CYRIA: variants seen among roughly 807,000 people sequenced by gnomAD.
CYRIA encodes CYFIP related Rac1 interactor A.
A neutral mutation model predicts 43.9 loss-of-function variants in CYRIA; 15 were observed. The ratio of observed to expected loss-of-function variants is 0.34; its 90% CI spans 0.23 to 0.53. CYRIA has a LOEUF of 0.53. Ranked by LOEUF, CYRIA falls within the 20% of genes least tolerant of loss-of-function variation. CYRIA has a pLI of 0.94. For synonymous variants in CYRIA, 117 were observed against 136.0 expected (o/e 0.86, Z 0.97); for missense variants, 236 against 394.2 (o/e 0.60, Z 3.40).
chr2:16,659,554 C>T (rs186615734), intron 1 of CYRIA, among the ~76,000 whole-genome samples: 1 of 152,312 alleles, frequency 6.6e-6, no homozygotes, highest in African/African-American at 2.4e-5. Flanking sequence ...GGCAGCGTGA[C>T]TACAAGACCC....
intron 1 of CYRIA, among the ~76,000 whole-genome samples, chr2:16,662,095 T>G (rs990418346): frequency 6.6e-6 from 1 of 152,160 alleles, no homozygotes; most frequent in Admixed American, 6.5e-5. Context: ...TGTTGGTGAT[T>G]CGTGCATTGT....
intron 2 of CYRIA, among the ~76,000 whole-genome samples, chr2:16,606,843 G>T (rs1451566001): frequency 1.3e-5 from 2 of 152,202 alleles, no homozygotes; most frequent in Admixed American, 6.5e-5. Context: ...GCTCATCTGG[G>T]TACCAAAGGA....
intron 2 of CYRIA, among the ~76,000 whole-genome samples, chr2:16,600,549 A>G (rs1668169819): frequency 6.6e-6 from 1 of 152,248 alleles, no homozygotes; most frequent in Non-Finnish European, 1.5e-5. Flanking sequence ...AAACAGCACT[A>G]GTTAAATTAA....
At chr2:16,644,071 T>G (rs1669751367) in intron 1 of CYRIA, among the ~76,000 whole-genome samples, 1 of 152,210 alleles carries the variant, frequency 6.6e-6, no homozygotes, top group African/African-American at 2.4e-5. Flanking sequence ...GAGGTTCAGC[T>G]TCAACTCAGT....
intron 2 of CYRIA, among the ~76,000 whole-genome samples, chr2:16,605,923 T>C (rs1331770671): frequency 6.6e-6 from 1 of 152,122 alleles, no homozygotes; most frequent in African/African-American, 2.4e-5. Context: ...CTTCCTCATC[T>C]CTCACCTCTC....
intron 10 of CYRIA, among the ~76,000 whole-genome samples, chr2:16,557,926 A>T (rs1666585271): frequency 6.6e-6 from 1 of 152,188 alleles, no homozygotes; most frequent in Non-Finnish European, 1.5e-5. Flanking sequence ...TTTATACTCA[A>T]TCTATAGTAT....
intron 3 of CYRIA, among the ~76,000 whole-genome samples, chr2:16,577,033 T>C (rs1477438247): frequency 6.6e-6 from 1 of 152,162 alleles, no homozygotes; most frequent in East Asian, 1.9e-4. Flanking sequence ...GAGTAGTTGC[T>C]AATCAATGGG....
chr2:16,632,972 C>G (rs973249036), intron 1 of CYRIA, among the ~76,000 whole-genome samples: 1 of 152,138 alleles, frequency 6.6e-6, no homozygotes, highest in Admixed American at 6.6e-5. Flanking sequence ...ACCCTCCACC[C>G]CAATGAGGGG....
intron 2 of CYRIA, among the ~76,000 whole-genome samples, chr2:16,616,655 G>T (rs1236515913): frequency 1.3e-5 from 2 of 152,240 alleles, no homozygotes; most frequent in African/African-American, 4.8e-5. Context: ...CTTCATAAAT[G>T]GTCAGCAAGT....
chr2:16,571,749 C>T (rs899229009), intron 3 of CYRIA, among the ~76,000 whole-genome samples: 3 of 152,168 alleles, frequency 2.0e-5, no homozygotes, highest in African/African-American at 4.8e-5. Context: ...AAAATGGATT[C>T]GCCAAAGCTG....
intron 3 of CYRIA, among the ~76,000 whole-genome samples, chr2:16,574,955 C>T (rs1667281003): frequency 6.6e-6 from 1 of 152,148 alleles, no homozygotes; most frequent in African/African-American, 2.4e-5. Flanking sequence ...AATGGTAGAT[C>T]CACCAAGAGT....
intron 3 of CYRIA, among the ~76,000 whole-genome samples, chr2:16,582,870 T>A (rs948552824): frequency 6.6e-6 from 1 of 152,208 alleles, no homozygotes; most frequent in African/African-American, 2.4e-5. Context: ...TTCTTGCATA[T>A]ACATCTAGGA....
intron 3 of CYRIA, among the ~76,000 whole-genome samples, chr2:16,582,101 T>C (rs1667571763): frequency 6.6e-6 from 1 of 152,154 alleles, no homozygotes; most frequent in African/African-American, 2.4e-5. Flanking sequence ...TGGAGTGACA[T>C]GAATATCCTG....
intron 2 of CYRIA, among the ~76,000 whole-genome samples, chr2:16,589,561 T>C (rs987949895): frequency 6.6e-6 from 1 of 152,120 alleles, no homozygotes; most frequent in East Asian, 1.9e-4. Flanking sequence ...AGAGATTTCA[T>C]CTCCATAAGC....
At chr2:16,610,209 C>G (rs1668544608) in intron 2 of CYRIA, among the ~76,000 whole-genome samples, 1 of 152,214 alleles carries the variant, frequency 6.6e-6, no homozygotes, top group Admixed American at 6.5e-5. Flanking sequence ...TACCATCTCC[C>G]TTTTAGAAAC....
At chr2:16,611,955 C>A (rs920203176) in intron 2 of CYRIA, among the ~76,000 whole-genome samples, 1 of 152,160 alleles carries the variant, frequency 6.6e-6, no homozygotes, top group East Asian at 1.9e-4. Flanking sequence ...TAGTTTCCTG[C>A]CAGGCCACGA....
rs1428413763 is a variant in CYRIA at position 16,553,260 on chromosome 2, AG to A, written c.909-262del. Reference sequence around the variant, plus strand: ...GGAGATATGAGCGGTCTCATTTTCTAGGGAGGTGGATTTCACAGGATTGAGT... The same window carrying A: ...GGAGATATGAGCGGTCTCATTTTCTAGGAGGTGGATTTCACAGGATTGAGT... On this transcript the variant is annotated intron_variant, in intron 11 of 11. Coordinates refer to ENST00000381323, the MANE Select transcript of CYRIA (RefSeq NM_030797.4). Among the ~76,000 whole-genome samples the A allele has an allele frequency of 3.9e-5, 6 of 152,222 alleles. No homozygotes were observed. In the East Asian group the frequency reaches 9.7e-4, roughly 25 times the overall value.
chr2:16,643,466 A>G (rs1444276142), intron 1 of CYRIA, among the ~76,000 whole-genome samples: 1 of 152,252 alleles, frequency 6.6e-6, no homozygotes, highest in South Asian at 2.1e-4. Flanking sequence ...CAGACCTGCC[A>G]TGGACAGTTT....
intron 1 of CYRIA, among the ~76,000 whole-genome samples, chr2:16,652,536 G>A (rs1670003899): frequency 6.6e-6 from 1 of 152,196 alleles, no homozygotes. Context: ...AAAGGGAAAG[G>A]CCCTGCCAGG....
Sources: allele counts gnomAD v4.1 joint callset (sites outside exome capture counted in the v4.1 genomes callset), GRCh38; gene constraint gnomAD v4.1.1; transcripts MANE v1.5; gene names NCBI Gene and HGNC (gene_info 2026-07-23, HGNC 2026-07-21).